ZNF264: variants seen among roughly 807,000 people sequenced by gnomAD.
ZNF264 encodes zinc finger protein 264.
A neutral mutation model predicts 11.2 loss-of-function variants in ZNF264; 11 were observed. The ratio of observed to expected loss-of-function variants is 0.98; its 90% confidence interval spans 0.62 to 1.63. The LOEUF (loss-of-function observed/expected upper bound fraction) is 1.63, where lower values mean the gene tolerates loss of function less well. ZNF264 is among the 40% of genes most tolerant of loss of function. ZNF264 has a pLI of 0.00. For synonymous variants in ZNF264, 309 were observed against 279.8 expected, an observed-to-expected ratio of 1.10 and a Z score of -1.04; for missense variants, 752 against 768.1, an observed-to-expected ratio of 0.98 and a Z score of 0.25.
chr19:57,207,076 A>G (rs1014804791), intron 3 of ZNF264, among the ~76,000 whole-genome samples: 1 of 145,842 alleles, frequency 6.9e-6, no homozygotes, highest in Non-Finnish European at 1.5e-5. Context: ...GCACTTGAAA[A>G]TCTCAAAAGC....
At position 57,191,678 on chromosome 19, in the gene ZNF264, C is replaced by G; in HGVS notation, c.-236C>G. The G allele has an allele frequency of 2.5e-6, 1 of 395,516 alleles. No individual in the cohort carries two copies. The highest frequency in any genetic ancestry group is 4.5e-6 in the Non-Finnish European group (1 of 224,086). 24.5% of individuals were successfully genotyped at this position (395,516 alleles called of 1,614,324 possible). ...TCCTGGGTCGCCGTCAAGCTGCGGT[C>G]TCTCCTCCCCCGCCCTTCAGCCCCG... On this transcript the variant is annotated 5_prime_UTR_variant, in exon 1 of 4. Transcript: ENST00000263095.
chr19:57,208,900 C>G (rs11882343), intron 3 of ZNF264, among the ~76,000 whole-genome samples: 1,826 of 152,212 alleles, frequency 0.012, 24 homozygotes, highest in African/African-American at 0.041. Context: ...TTCTTGATTT[C>G]CCTTTCTTTC....
In ZNF264 at chr19:57,196,971, T is replaced by C. The variant is rs58378338; in HGVS notation, c.160+2970T>C. Reference sequence around the variant, plus strand: ...AGTTCTGCCCACTGGGAAATTTCCCTTCGCCACTCTCCTTCAGGGATGTCC... The same window carrying C: ...AGTTCTGCCCACTGGGAAATTTCCCCTCGCCACTCTCCTTCAGGGATGTCC... On this transcript the variant is annotated intron_variant, in intron 2 of 3. Coordinates refer to ENST00000263095, the MANE Select transcript of ZNF264 (RefSeq NM_003417.5). Among the ~76,000 whole-genome samples, 736 of 152,066 alleles carry C rather than the reference T, an allele frequency of 4.8e-3. 22 individuals carry two copies. The highest frequency in any genetic ancestry group is 0.017 in the African/African-American group (704 of 41,346).
chr19:57,221,688 A>G lies in ZNF264; in HGVS notation c.*8707A>G, dbSNP rs758164833. ...TTAGAGACTCAGTGCCAGGGTTTTT[A>G]TTGGGCATGTTTTCTAGCACATCCC... On this transcript the variant is annotated 3_prime_UTR_variant, in exon 4 of 4. Transcript: ENST00000263095. The G allele has an allele frequency of 6.6e-6, 1 of 152,148 alleles. No homozygotes were observed. Among genetic ancestry groups the G allele is most frequent in the Non-Finnish European group, 1.5e-5 (1 of 68,028 alleles). 9.4% of individuals were successfully genotyped at this position (152,148 alleles called of 1,614,324 possible).
Position 57,194,976 on chromosome 19 carries a change from T to G in ZNF264, c.160+975T>G, listed in dbSNP as rs185461289. 8 of 386,330 alleles carry G rather than the reference T, an allele frequency of 2.1e-5. No individual in the cohort carries two copies. The Admixed American group carries it at 2.7e-4, about 13-fold the overall frequency. The allele number at this position is 386,330 out of a possible 1,614,324, so 23.9% of individuals were successfully genotyped here. A position where few individuals can be genotyped will look rare whatever the true frequency, so the allele number is the denominator to read the frequency against. On this transcript the variant is annotated intron_variant, in intron 2 of 3. Coordinates refer to ENST00000263095, the MANE Select transcript of ZNF264 (RefSeq NM_003417.5). ...TGTTTTTGAGGTAACAGCTGTCAAG[T>G]GTCCGTTTCAAGTGTTTGGAGCTAG...
intron 2 of ZNF264, among the ~76,000 whole-genome samples, chr19:57,202,674 G>A (rs1206351456): frequency 1.3e-5 from 2 of 151,886 alleles, no homozygotes; most frequent in Non-Finnish European, 2.9e-5. Flanking sequence ...GAAGGGCATG[G>A]AAGCTCTGTG....
At chr19:57,193,595 G>A (rs1373684586) in intron 1 of ZNF264, 4 of 950,610 alleles carry the variant, frequency 4.2e-6, no homozygotes, top group African/African-American at 3.5e-5. Context: ...TTTCCCTGTC[G>A]TTTTAGAGCC....
Position 57,211,231 on chromosome 19 carries a change from G to C in ZNF264, c.257-123G>C, listed in dbSNP as rs904005013. 2.6e-5 allele frequency: 26 copies of C among 1,016,946 alleles called. No homozygotes were observed. The African/African-American group carries it at 3.6e-4, about 14-fold the overall frequency. The allele number at this position is 1,016,946 out of a possible 1,614,324, so 63.0% of individuals were successfully genotyped here. A position where few individuals can be genotyped will look rare whatever the true frequency, so the allele number is the denominator to read the frequency against. ...AGAAATTGCAAACCCAAGAATTTGA[G>C]ATACAGAAAATAGCAACACAGAGGC... On this transcript the variant is annotated intron_variant, in intron 3 of 3. Transcript: ENST00000263095.
rs368600128 is a variant in ZNF264, at chr19:57,211,399, C to T, written c.302C>T (p.Pro101Leu). Residue 101 changes from proline to leucine, a missense_variant, in exon 4 of 4, where the codon CCA (proline) becomes CTA (leucine). Coordinates refer to ENST00000263095, the MANE Select transcript of ZNF264 (RefSeq NM_003417.5). Reference sequence around the variant, plus strand: ...ACCACAGAACCTACCACTTGTGAGCCAGCCTTGTCAGAGGGAATCTCACTT... The same window carrying T: ...ACCACAGAACCTACCACTTGTGAGCTAGCCTTGTCAGAGGGAATCTCACTT... ...PKTTEPTTCE[P>L]ALSEGISLQG... 6 of 1,613,994 alleles carry T rather than the reference C, an allele frequency of 3.7e-6. No individual in the cohort carries two copies. Among genetic ancestry groups the T allele is most frequent in the Non-Finnish European group, 5.1e-6 (6 of 1,179,978 alleles).
intron 3 of ZNF264, among the ~76,000 whole-genome samples, chr19:57,206,429 T>C (rs2087293350): frequency 1.3e-5 from 2 of 151,798 alleles, no homozygotes; most frequent in Non-Finnish European, 2.9e-5. Flanking sequence ...TTTTTGTATT[T>C]TTAGTAGAGA....
Position 57,218,564 on chromosome 19 carries a change from AC to A in ZNF264, c.*5589del, listed in dbSNP as rs1340877615. 6.6e-6 allele frequency: 1 copy of A among 151,768 alleles called. No homozygotes were observed. The highest frequency in any genetic ancestry group is 1.5e-5 in the Non-Finnish European group (1 of 67,956). The allele number at this position is 151,768 out of a possible 1,614,324, so 9.4% of individuals were successfully genotyped here. On this transcript the variant is annotated 3_prime_UTR_variant, in exon 4 of 4. Coordinates refer to ENST00000263095, the MANE Select transcript of ZNF264 (RefSeq NM_003417.5). ...CTATTATTTCTTCAAATATTTTTTC[AC>A]CCCCCAGTCTTGTCTTTTTTAGGGA...
chr19:57,194,786 C>G, intron 2 of ZNF264: 1 of 400,070 alleles, frequency 2.5e-6, no homozygotes, highest in East Asian at 3.6e-5. Context: ...ACAGACACAC[C>G]CAGGATCAAT....
chr19:57,195,466 A>C (rs1161868345), intron 2 of ZNF264, among the ~76,000 whole-genome samples: 2 of 152,204 alleles, frequency 1.3e-5, no homozygotes, highest in African/African-American at 4.8e-5. Flanking sequence ...TTCTGTATTC[A>C]CTTTGCCTTC....
At chr19:57,201,222 T>A (rs1488200895) in intron 2 of ZNF264, among the ~76,000 whole-genome samples, 1 of 150,566 alleles carries the variant, frequency 6.6e-6, no homozygotes, top group African/African-American at 2.5e-5. Context: ...GTAGCTGCCT[T>A]TTTCTTTTTT....
At position 57,216,512 on chromosome 19, in the gene ZNF264, T is replaced by C. The variant is rs1420598594; in HGVS notation, c.*3531T>C. 1 of 152,246 alleles carries C rather than the reference T, an allele frequency of 6.6e-6. No homozygotes were observed. The highest frequency in any genetic ancestry group is 6.5e-5 in the Admixed American group (1 of 15,276). 9.4% of individuals were successfully genotyped at this position (152,246 alleles called of 1,614,324 possible). ...AATTGACTCTTCTGTCATTATGTGATGTCATTTTTTTGCCTTTTAATAGTC... is the reference window on the plus strand; with the variant it reads ...AATTGACTCTTCTGTCATTATGTGACGTCATTTTTTTGCCTTTTAATAGTC... On this transcript the variant is annotated 3_prime_UTR_variant, in exon 4 of 4. Transcript: ENST00000263095.
At chr19:57,197,951 G>A (rs2087224149) in intron 2 of ZNF264, among the ~76,000 whole-genome samples, 1 of 151,982 alleles carries the variant, frequency 6.6e-6, no homozygotes, top group South Asian at 2.1e-4. Flanking sequence ...TCGGCATAAT[G>A]TCATAAATGT....
At chr19:57,195,987 A>T (rs1000328406) in intron 2 of ZNF264, among the ~76,000 whole-genome samples, 2 of 151,828 alleles carry the variant, frequency 1.3e-5, no homozygotes, top group Non-Finnish European at 2.9e-5. Context: ...TGGACCCATG[A>T]ATCCTGGCTA....
chr19:57,192,032 G>A, intron 1 of ZNF264, 86 bp downstream of exon 1: 1 of 1,282,388 alleles, frequency 7.8e-7, no homozygotes. Flanking sequence ...GGTATCCCCT[G>A]GATTTGTCTT....
At chr19:57,197,864 T>C (rs1253593599) in intron 2 of ZNF264, among the ~76,000 whole-genome samples, 2 of 152,044 alleles carry the variant, frequency 1.3e-5, no homozygotes, top group East Asian at 3.9e-4. Flanking sequence ...TTAGTCAGAT[T>C]TATTTCCCAT....
Sources: gnomAD v4.1 joint callset for allele counts (sites outside exome capture counted in the v4.1 genomes callset) on GRCh38, gnomAD v4.1.1 for gene constraint, MANE v1.5 for transcripts, NCBI Gene and HGNC (gene_info 2026-07-23, HGNC 2026-07-21) for gene names.